ATP8B4: variants seen among roughly 807,000 people sequenced by gnomAD.
ATP8B4 encodes ATPase phospholipid transporting 8B4 (putative), also known as probable phospholipid-transporting ATPase IM.
A neutral mutation model predicts 145.6 loss-of-function variants in ATP8B4; 133 were observed. That is an observed-to-expected ratio of 0.91 (90% CI 0.79 to 1.05). The LOEUF (loss-of-function observed/expected upper bound fraction) is 1.05. Among genes scored for constraint, ATP8B4 ranks in the 50% least tolerant of loss-of-function variants. The pLI is 0.00. For synonymous variants in ATP8B4, 507 were observed against 492.9 expected (o/e 1.03, Z -0.38); for missense variants, 1,458 against 1,425.2 (o/e 1.02, Z -0.37).
chr15:49,982,049 T>C (rs8027102), intron 10 of ATP8B4, among the ~76,000 whole-genome samples: 12,073 of 152,132 alleles, frequency 0.079, 747 homozygotes, highest in East Asian at 0.18. Context: ...ATAGAAGCAA[T>C]TAAGTTTTAA....
chr15:50,147,359 T>C (rs1022276675), intron 1 of ATP8B4, among the ~76,000 whole-genome samples: 12 of 144,632 alleles, frequency 8.3e-5, no homozygotes, highest in Non-Finnish European at 1.5e-4. Context: ...GAGGTTGCAG[T>C]GAACAGAGAT....
At chr15:49,902,704 C>G (rs2038172143) in intron 20 of ATP8B4, among the ~76,000 whole-genome samples, 1 of 152,080 alleles carries the variant, frequency 6.6e-6, no homozygotes, top group Non-Finnish European at 1.5e-5. Flanking sequence ...TCAGACTTTC[C>G]CATCAGATAA....
chr15:49,923,495 C>T lies in ATP8B4; in HGVS notation c.1643-1G>A. 1 of 1,583,020 alleles carries T rather than the reference C, an allele frequency of 6.3e-7. No individual in the cohort carries two copies. Among genetic ancestry groups the T allele is most frequent in the Non-Finnish European group, 8.6e-7 (1 of 1,165,398 alleles). ...TTTATCTGTCCTTCTGGGTTTCGAA[C>T]TGAAAAGAAAAAAGTTTGGAAAAGC... is the stretch of plus-strand genomic sequence containing the variant. On this transcript the variant is annotated splice_acceptor_variant, in intron 16 of 27. Transcript: ENST00000284509. LOFTEE classifies it high-confidence loss of function.
Position 49,972,777 on chromosome 15 carries a change from G to T in ATP8B4, c.1048C>A (p.Arg350Ser), listed in dbSNP as rs752810289. ...TTTATAAAATAACTGTGTCCTAGAC[G>T]AATTACTTCCACACTATCATCCATT... ...ISLYVSVEVIRLGHSYFINWD... is the reference protein window; with the variant it reads ...ISLYVSVEVISLGHSYFINWD... Residue 350 changes from arginine to serine, a missense_variant, in exon 13 of 28, where the codon CGT (arginine) becomes AGT (serine). Coordinates refer to ENST00000284509, the MANE Select transcript of ATP8B4 (RefSeq NM_024837.4). The T allele has an allele frequency of 6.2e-7, 1 of 1,613,076 alleles. No individual in the cohort carries two copies. The highest frequency in any genetic ancestry group is 2.2e-5 in the East Asian group (1 of 44,854).
At chr15:50,138,029 A>G (rs1334137204) in intron 1 of ATP8B4, among the ~76,000 whole-genome samples, 1 of 152,200 alleles carries the variant, frequency 6.6e-6, no homozygotes, top group African/African-American at 2.4e-5. Context: ...GTATCGCTCT[A>G]GCCACTGGAT....
chr15:50,102,579 C>T (rs750878007), intron 2 of ATP8B4, among the ~76,000 whole-genome samples: 4 of 151,872 alleles, frequency 2.6e-5, no homozygotes, highest in Non-Finnish European at 5.9e-5. Context: ...CAATAACAAA[C>T]AGTGAGATTG....
chr15:49,898,578 G>A (rs530787602), intron 21 of ATP8B4, among the ~76,000 whole-genome samples: 1 of 152,348 alleles, frequency 6.6e-6, no homozygotes, highest in African/African-American at 2.4e-5. Context: ...CATTAAAATT[G>A]ATGAAAACAA....
intron 3 of ATP8B4, among the ~76,000 whole-genome samples, chr15:50,068,225 C>T (rs909581141): frequency 1.3e-5 from 2 of 151,992 alleles, no homozygotes; most frequent in South Asian, 2.1e-4. Flanking sequence ...TTTAAATGGG[C>T]GGGAGGGAAA....
intron 24 of ATP8B4, among the ~76,000 whole-genome samples, chr15:49,877,773 T>TA (rs1245867796): frequency 6.6e-6 from 1 of 152,228 alleles, no homozygotes; most frequent in Non-Finnish European, 1.5e-5. Context: ...GTATGTAAAG[T>TA]ATTTAGTAGA....
At chr15:50,170,094 G>A (rs893603235) in intron 1 of ATP8B4, among the ~76,000 whole-genome samples, 1 of 152,080 alleles carries the variant, frequency 6.6e-6, no homozygotes, top group African/African-American at 2.4e-5. Context: ...CTAAAAGCCT[G>A]GAAAATATAT....
At chr15:50,070,819 C>T (rs559299240) in intron 3 of ATP8B4, among the ~76,000 whole-genome samples, 2 of 152,164 alleles carry the variant, frequency 1.3e-5, no homozygotes, top group African/African-American at 2.4e-5. Context: ...TGGCTCACTG[C>T]AACCTCCGCC....
At chr15:50,124,611 G>GA (rs56206515) in intron 1 of ATP8B4, among the ~76,000 whole-genome samples, 31 of 151,048 alleles carry the variant, frequency 2.1e-4, no homozygotes, top group Non-Finnish European at 4.4e-4. Flanking sequence ...TTTTTAAAAA[G>GA]AAAAAAAAAG....
intron 14 of ATP8B4, among the ~76,000 whole-genome samples, chr15:49,944,933 T>C (rs893395928): frequency 1.3e-5 from 2 of 152,126 alleles, no homozygotes; most frequent in African/African-American, 4.8e-5. Context: ...CACCAAAATG[T>C]GGAAATTAAA....
intron 2 of ATP8B4, among the ~76,000 whole-genome samples, chr15:50,089,528 CA>C (rs1322076107): frequency 1.2e-4 from 18 of 152,146 alleles, no homozygotes; most frequent in Admixed American, 1.2e-3. Context: ...AAAGGCTCAA[CA>C]TCACTGATTA....
intron 1 of ATP8B4, among the ~76,000 whole-genome samples, chr15:50,156,166 G>GTTTAA: frequency 8.3e-6 from 1 of 120,900 alleles, no homozygotes; most frequent in South Asian, 2.6e-4. Context: ...TTGTTTGCTG[G>GTTTAA]TTTAACTAGT....
At chr15:49,909,322 G>T (rs1255024149) in intron 20 of ATP8B4, among the ~76,000 whole-genome samples, 1 of 152,136 alleles carries the variant, frequency 6.6e-6, no homozygotes, top group Non-Finnish European at 1.5e-5. Flanking sequence ...CTTACCACCC[G>T]TGGACCTGGG....
intron 11 of ATP8B4, 117 bp downstream of exon 11, chr15:49,981,089 A>T: frequency 2.4e-6 from 2 of 831,516 alleles, no homozygotes; most frequent in Non-Finnish European, 3.7e-6. Context: ...CAAATGCAAA[A>T]TCCCCAAAAA....
chr15:49,914,751 A>G (rs1280884932), intron 20 of ATP8B4, among the ~76,000 whole-genome samples: 1 of 152,198 alleles, frequency 6.6e-6, no homozygotes, highest in Admixed American at 6.5e-5. Flanking sequence ...CATGCAAATC[A>G]AAACTACAAT....
intron 26 of ATP8B4, among the ~76,000 whole-genome samples, chr15:49,864,106 T>C (rs2032357339): frequency 6.6e-6 from 1 of 152,242 alleles, no homozygotes; most frequent in Admixed American, 6.5e-5. Flanking sequence ...TTCTTACTCA[T>C]GACCAACATG....
Sources: allele counts gnomAD v4.1 joint callset (sites outside exome capture counted in the v4.1 genomes callset), GRCh38; gene constraint gnomAD v4.1.1; transcripts MANE v1.5; gene names NCBI Gene and HGNC (gene_info 2026-07-23, HGNC 2026-07-21).